ESRRG: variants seen among roughly 807,000 people sequenced by gnomAD.
The protein encoded by ESRRG is estrogen related receptor gamma.
ESRRG carries 13 observed loss-of-function variants against 44.0 expected under a neutral mutation model. The ratio of observed to expected loss-of-function variants is 0.30; its 90% CI spans 0.19 to 0.47. The LOEUF (loss-of-function observed/expected upper bound fraction) is 0.47, where lower values mean the gene tolerates loss of function less well. Ranked by LOEUF, ESRRG falls within the 20% of genes least tolerant of loss-of-function variation. ESRRG has a pLI of 1.00. For synonymous variants in ESRRG, 215 were observed against 214.6 expected (o/e 1.00, Z -0.02); for missense variants, 395 against 580.6 (o/e 0.68, Z 3.29).
At chr1:216,543,633 G>C (rs1050148443) in intron 5 of ESRRG, among the ~76,000 whole-genome samples, 1 of 151,898 alleles carries the variant, frequency 6.6e-6, no homozygotes, top group Non-Finnish European at 1.5e-5. Flanking sequence ...TGTGTTTCTG[G>C]TGCTTCACTA....
At chr1:216,884,255 A>G (rs2096488160) in intron 2 of ESRRG, among the ~76,000 whole-genome samples, 2 of 152,234 alleles carry the variant, frequency 1.3e-5, no homozygotes, top group South Asian at 4.1e-4. Context: ...GCTGCATGAC[A>G]GATATATTTG....
At chr1:216,768,481 T>C (rs1213456660) in intron 2 of ESRRG, among the ~76,000 whole-genome samples, 3 of 78,760 alleles carry the variant, frequency 3.8e-5, no homozygotes. Flanking sequence ...TATCTATCTA[T>C]CTATCTATCT....
chr1:216,522,147 GTA>G (rs2046276404), intron 5 of ESRRG, among the ~76,000 whole-genome samples: 1 of 150,386 alleles, frequency 6.6e-6, no homozygotes, highest in South Asian at 2.1e-4. Flanking sequence ...TTGTGTGTGT[GTA>G]TATGTGTGTG....
intron 2 of ESRRG, among the ~76,000 whole-genome samples, chr1:216,926,750 C>T (rs1473113485): frequency 6.6e-6 from 1 of 152,058 alleles, no homozygotes; most frequent in Non-Finnish European, 1.5e-5. Flanking sequence ...ATAATATTTC[C>T]CCTGGGGGAT....
upstream of ESRRG, among the ~76,000 whole-genome samples, chr1:217,090,771 A>G (rs1312370093): frequency 6.6e-6 from 1 of 152,164 alleles, no homozygotes; most frequent in East Asian, 1.9e-4. Context: ...AAGAAGGATA[A>G]CTAGATTTTA....
intron 3 of ESRRG, among the ~76,000 whole-genome samples, chr1:216,608,741 A>T (rs1055432769): frequency 6.6e-6 from 1 of 152,134 alleles, no homozygotes; most frequent in African/African-American, 2.4e-5. Context: ...GTTCTTGGGG[A>T]TCTAAGCTCA....
chr1:216,532,257 T>C (rs1379097546), intron 5 of ESRRG, among the ~76,000 whole-genome samples: 1 of 152,112 alleles, frequency 6.6e-6, no homozygotes, highest in African/African-American at 2.4e-5. Flanking sequence ...CTGGTTAAGA[T>C]GCCATGGATT....
At chr1:216,956,433 T>C (rs1310397615) in intron 1 of ESRRG, among the ~76,000 whole-genome samples, 1 of 152,210 alleles carries the variant, frequency 6.6e-6, no homozygotes, top group Non-Finnish European at 1.5e-5. Flanking sequence ...TGGATTTATT[T>C]CTGAGTTATC....
At position 216,910,453 on chromosome 1, in the gene ESRRG, A is replaced by G. The variant is rs1044162845; in HGVS notation, c.-14+29129T>C. Reference sequence around the variant, plus strand: ...TCCATTCATTAGTTTTATTACAAGCACTCCAATGAATTAAAGAAAAATCTG... The same window carrying G: ...TCCATTCATTAGTTTTATTACAAGCGCTCCAATGAATTAAAGAAAAATCTG... On this transcript the variant is annotated intron_variant, in intron 2 of 7. Coordinates refer to the ESRRG transcript ENST00000359162. 9.2e-5 allele frequency among the ~76,000 whole-genome samples: 14 copies of G among 152,256 alleles called. No homozygotes were observed. The South Asian group carries it at 1.5e-3, about 16-fold the overall frequency.
intron 1 of ESRRG, among the ~76,000 whole-genome samples, chr1:216,962,777 A>G (rs183126201): frequency 1.3e-5 from 2 of 152,306 alleles, no homozygotes; most frequent in East Asian, 3.9e-4. Context: ...TAACCAATAT[A>G]TTATGCAGAG....
At chr1:216,954,889 T>G (rs2067661407) in intron 1 of ESRRG, among the ~76,000 whole-genome samples, 1 of 152,060 alleles carries the variant, frequency 6.6e-6, no homozygotes, top group Admixed American at 6.6e-5. Flanking sequence ...GCATATGGAG[T>G]TGGGTTTCTG....
intron 1 of ESRRG, among the ~76,000 whole-genome samples, chr1:216,980,618 C>A (rs1295891240): frequency 1.3e-5 from 2 of 152,150 alleles, no homozygotes; most frequent in African/African-American, 4.8e-5. Flanking sequence ...AGCCTCTAAT[C>A]TTGACTGCTC....
chr1:216,645,272 T>A (rs1368525217), intron 3 of ESRRG, among the ~76,000 whole-genome samples: 1 of 152,080 alleles, frequency 6.6e-6, no homozygotes, highest in African/African-American at 2.4e-5. Context: ...AAATAGAACA[T>A]CTCATTATCC....
At chr1:216,537,770 C>T (rs1396315804) in intron 5 of ESRRG, among the ~76,000 whole-genome samples, 1 of 152,050 alleles carries the variant, frequency 6.6e-6, no homozygotes, top group Non-Finnish European at 1.5e-5. Context: ...ATTCTCTTTG[C>T]CACTTTACAT....
chr1:216,870,012 C>G (rs1006792244), intron 2 of ESRRG, among the ~76,000 whole-genome samples: 1 of 151,858 alleles, frequency 6.6e-6, no homozygotes, highest in African/African-American at 2.4e-5. Context: ...CAATAATCTT[C>G]TAGTACAATA....
At chr1:217,028,117 C>T (rs1025271866) in intron 1 of ESRRG, among the ~76,000 whole-genome samples, 3 of 152,134 alleles carry the variant, frequency 2.0e-5, no homozygotes, top group African/African-American at 7.2e-5. Flanking sequence ...ACGCCCCCAC[C>T]CCATCACCTC....
At chr1:216,813,842 C>T (rs999252246) in intron 2 of ESRRG, among the ~76,000 whole-genome samples, 3 of 152,120 alleles carry the variant, frequency 2.0e-5, no homozygotes, top group African/African-American at 7.2e-5. Context: ...ACACTCATTC[C>T]CCTAGGAAAG....
chr1:216,850,347 A>G (rs2095822018), intron 2 of ESRRG, among the ~76,000 whole-genome samples: 1 of 152,038 alleles, frequency 6.6e-6, no homozygotes, highest in Admixed American at 6.6e-5. Flanking sequence ...CTTCTCCAGA[A>G]GAAAACATCA....
At chr1:217,108,977 G>A (rs904316566) in intron 1 of ESRRG, among the ~76,000 whole-genome samples, 1 of 152,080 alleles carries the variant, frequency 6.6e-6, no homozygotes, top group East Asian at 1.9e-4. Context: ...ACATTAAATG[G>A]ATCTTTAAAA....
Sources: allele counts gnomAD v4.1 joint callset (sites outside exome capture counted in the v4.1 genomes callset), GRCh38; gene constraint gnomAD v4.1.1; transcripts MANE v1.5; gene names NCBI Gene and HGNC (gene_info 2026-07-23, HGNC 2026-07-21).